Variants in MPO observed in about 807,000 individuals in gnomAD.
MPO encodes the protein myeloperoxidase.
A neutral mutation model predicts 69.4 loss-of-function variants in MPO; 57 were observed. The ratio of observed to expected loss-of-function variants is 0.82; its 90% CI spans 0.66 to 1.02. The LOEUF (loss-of-function observed/expected upper bound fraction) is 1.02, where lower values mean the gene tolerates loss of function less well. Ranked by LOEUF, MPO falls within the 50% of genes least tolerant of loss-of-function variation. The pLI is 0.00. For missense variants in MPO, 971 were observed against 1,014.1 expected (o/e 0.96, Z 0.58); for synonymous variants, 426 against 417.1 (o/e 1.02, Z -0.26).
intron 10 of MPO, 130 bp from the exon 11 acceptor site, chr17:58,272,022 A>G (rs1452975265): frequency 7.4e-6 from 7 of 941,676 alleles, no homozygotes; most frequent in Non-Finnish European, 1.1e-5. Flanking sequence ...AACACAACCA[A>G]GGTCATAGAG....
In MPO at chr17:58,279,125, G is replaced by A. The variant is rs1970477862; in HGVS notation, c.768C>T (p.Gly256=). The A allele has an allele frequency of 1.9e-6, 3 of 1,612,948 alleles. No individual in the cohort carries two copies. Among genetic ancestry groups the A allele is most frequent in the Non-Finnish European group, 2.5e-6 (3 of 1,179,594 alleles). ...AGTCGAGGTCGTGGTCCAACAGCTG[G>A]CCCCATTGCATGAACATGAGTGAGC... ...QERSLMFMQW[G]QLLDHDLDFT... Residue 256 remains glycine (G), a synonymous_variant, in exon 6 of 12, where the codon GGC becomes GGT. Coordinates refer to ENST00000225275, the MANE Select transcript of MPO (RefSeq NM_000250.2).
At chr17:58,272,970 C>T in intron 9 of MPO, 52 bp from the exon 10 acceptor site, 1 of 1,604,864 alleles carries the variant, frequency 6.2e-7, no homozygotes, top group Non-Finnish European at 8.5e-7. Flanking sequence ...AGTATCAGAG[C>T]TCAGATTGGA....
Position 58,273,540 on chromosome 17 carries a change from G to A in MPO, c.1495C>T (p.Arg499Cys), listed in dbSNP as rs119469014. ...RIANVFTNAF[R>C]YGHTLIQPFM... ...GGTTGGATGAGGGTGTGGCCGTAGCGGAAGGCATTGGTGAAGACGTTGGCG... is the reference window on the plus strand; with the variant it reads ...GGTTGGATGAGGGTGTGGCCGTAGCAGAAGGCATTGGTGAAGACGTTGGCG... The change falls in exon 9 of 12, where the codon CGC becomes TGC. Residue 499 changes from arginine (R) to cysteine (C), a missense_variant. Coordinates refer to ENST00000225275, the MANE Select transcript of MPO (RefSeq NM_000250.2). 17 of 1,614,230 alleles carry A rather than the reference G, an allele frequency of 1.1e-5. No homozygotes were observed. Among genetic ancestry groups the A allele is most frequent in the East Asian group, 2.2e-5 (1 of 44,888 alleles).
At position 58,270,191 on chromosome 17, in the gene MPO, G is replaced by A. The variant is rs1970349007; in HGVS notation, c.*465C>T. ...TGCATGTAGTAGGTGCTCAATAAAT[G>A]AAGAACCAGAGGATACAAGTGGGCC... On this transcript the variant is annotated 3_prime_UTR_variant, in exon 12 of 12. Coordinates refer to ENST00000225275, the MANE Select transcript of MPO (RefSeq NM_000250.2). This position sits in a 1 kb window ranked among gnomAD's most constrained non-coding sequence, Gnocchi z 4.1. 3.4e-6 allele frequency: 1 copy of A among 295,668 alleles called. No individual in the cohort carries two copies. Among genetic ancestry groups the A allele is most frequent in the South Asian group, 3.4e-5 (1 of 29,840 alleles). The allele number at this position is 295,668 out of a possible 1,614,324, so 18.3% of individuals were successfully genotyped here. A position where few individuals can be genotyped will look rare whatever the true frequency, so the allele number is the denominator to read the frequency against.
rs760737330 is a variant in MPO at position 58,273,709 on chromosome 17, C to T, written c.1366-40G>A. 7.4e-6 allele frequency: 12 copies of T among 1,613,884 alleles called. No individual in the cohort carries two copies. In the East Asian group the frequency reaches 1.8e-4, roughly 24 times the overall value. On this transcript the variant is annotated intron_variant, in intron 8 of 11. Coordinates refer to ENST00000225275, the MANE Select transcript of MPO (RefSeq NM_000250.2). Reference sequence around the variant, plus strand: ...TTTGGAATGGCCTCTCCACCCACTCCTCCACAGCAAATGCCGCCTGGCAGC... The same window carrying T: ...TTTGGAATGGCCTCTCCACCCACTCTTCCACAGCAAATGCCGCCTGGCAGC...
chr17:58,273,344 T>C, intron 9 of MPO, 70 bp downstream of exon 9: 1 of 1,610,408 alleles, frequency 6.2e-7, no homozygotes, highest in Non-Finnish European at 8.5e-7. Context: ...CCTAGCTCCC[T>C]AGAGCCAAGG....
rs1401748799 is a variant in MPO at position 58,273,651 on chromosome 17, A to G, written c.1384T>C (p.Tyr462His). The change falls in exon 9 of 12, where the codon TAC becomes CAC. Residue 462 changes from tyrosine to histidine, a missense_variant. Coordinates refer to ENST00000225275, the MANE Select transcript of MPO (RefSeq NM_000250.2). ...AMVQIITYRD[Y>H]LPLVLGPTAM... ...GTTGGCCCCAGCACCAGGGGCAGGTAGTCCCGGTAAGTGATGATCTAAAGA... is the reference window on the plus strand; with the variant it reads ...GTTGGCCCCAGCACCAGGGGCAGGTGGTCCCGGTAAGTGATGATCTAAAGA... 1 of 1,614,088 alleles carries G rather than the reference A, an allele frequency of 6.2e-7. No individual in the cohort carries two copies. The highest frequency in any genetic ancestry group is 8.5e-7 in the Non-Finnish European group (1 of 1,180,026).
At position 58,270,648 on chromosome 17, in the gene MPO, C is replaced by T. The variant is rs1314313734; in HGVS notation, c.*8G>A. On this transcript the variant is annotated 3_prime_UTR_variant, in exon 12 of 12. Coordinates refer to ENST00000225275, the MANE Select transcript of MPO (RefSeq NM_000250.2). This position sits in a 1 kb window ranked among gnomAD's most constrained non-coding sequence, Gnocchi z 4.1. ...TACCCCTCACTGCTGCACCCCCTTA[C>T]CTGGCCTCTAGGAGGCTTCCCTCCA... 3 of 1,603,696 alleles carry T rather than the reference C, an allele frequency of 1.9e-6. No individual in the cohort carries two copies. Among genetic ancestry groups the T allele is most frequent in the Non-Finnish European group, 2.6e-6 (3 of 1,174,632 alleles).
At chr17:58,273,281 C>T in intron 9 of MPO, 133 bp downstream of exon 9, 4 of 1,409,348 alleles carry the variant, frequency 2.8e-6, no homozygotes, top group South Asian at 1.2e-5. Flanking sequence ...GGAACTGAGG[C>T]TAGAGAGTCA....
At position 58,279,866 on chromosome 17, in the gene MPO, G is replaced by A. The variant is rs758541185; in HGVS notation, c.397C>T (p.Leu133=). 2 of 1,613,990 alleles carry A rather than the reference G, an allele frequency of 1.2e-6. No homozygotes were observed. Among genetic ancestry groups the A allele is most frequent in the African/African-American group, 1.3e-5 (1 of 74,936 alleles). Residue 133 remains leucine, a synonymous_variant, in exon 3 of 12, where the codon CTG becomes TTG. Transcript: ENST00000225275. ...GTGACATTGAATGGCCTTCGCCACA[G>A]GGACCGCAGCTTCCTCTCCAGCAGG... ...LDLLERKLRS[L]WRRPFNVTDV... is the part of the protein sequence containing the mutation.
At chr17:58,276,404 G>T (rs775900048) in intron 7 of MPO, among the ~76,000 whole-genome samples, 7 of 152,190 alleles carry the variant, frequency 4.6e-5, no homozygotes, top group Non-Finnish European at 1.0e-4. Flanking sequence ...GACTGTTCAA[G>T]AAAACTAAGC....
chr17:58,277,829 G>A lies in MPO; in HGVS notation c.1202C>T (p.Ala401Val). ...CTGGTCCCCACCCCAAAGCTGACCT[G>A]CCAGGAAGCAGGGGATGCGCGCTGA... is the stretch of plus-strand genomic sequence containing the variant. The part of the protein sequence containing the change: ...NRSARIPCFL[A>V]GDTRSSEMPE... The change falls in exon 7 of 12, where the codon GCA (alanine) becomes GTA (valine). Residue 401 changes from alanine (A) to valine (V), a missense_variant and splice_region_variant. Coordinates refer to ENST00000225275, the MANE Select transcript of MPO (RefSeq NM_000250.2). The A allele has an allele frequency of 6.2e-7, 1 of 1,602,438 alleles. No individual in the cohort carries two copies. The highest frequency in any genetic ancestry group is 8.5e-7 in the Non-Finnish European group (1 of 1,179,976).
Position 58,272,811 on chromosome 17 carries a change from T to A in MPO, c.1729A>T (p.Met577Leu), listed in dbSNP as rs746527352. 6.2e-7 allele frequency: 1 copy of A among 1,614,116 alleles called. No homozygotes were observed. Among genetic ancestry groups the A allele is most frequent in the African/African-American group, 1.3e-5 (1 of 74,942 alleles). The change falls in exon 10 of 12, where the codon ATG (methionine) becomes TTG (leucine). Residue 577 changes from methionine to leucine, a missense_variant. Transcript: ENST00000225275. ...GCAGGCAGGTCCAGCCCAATCCTCA[T>A]GACCTGCTCAAACAATCGCTCCCGG... is the stretch of plus-strand genomic sequence containing the variant. ...EIRERLFEQV[M>L]RIGLDLPALN... is the part of the protein sequence containing the mutation.
chr17:58,280,532 T>C lies in MPO; in HGVS notation c.154+73A>G, dbSNP rs146266893. The C allele has an allele frequency of 1.4e-3, 2,258 of 1,613,068 alleles. 25 individuals are homozygous for C. The African/African-American group carries it at 0.027, about 20-fold the overall frequency. Reference sequence around the variant, plus strand: ...ATCAGGCCCCAGAGCTAGGAAGGCCTGCTCTGAGAAAAGGGGTCTCTGGAA... The same window carrying C: ...ATCAGGCCCCAGAGCTAGGAAGGCCCGCTCTGAGAAAAGGGGTCTCTGGAA... On this transcript the variant is annotated intron_variant, in intron 1 of 11. Coordinates refer to ENST00000225275, the MANE Select transcript of MPO (RefSeq NM_000250.2).
intron 4 of MPO, 34 bp downstream of exon 4, chr17:58,279,489 C>G: frequency 6.2e-7 from 1 of 1,612,978 alleles, no homozygotes; most frequent in Non-Finnish European, 8.5e-7. Context: ...CCTCTCTGAG[C>G]CCGGTTCCTG....
rs1442466365 is a variant in MPO, at chr17:58,278,080, C to T, written c.951G>A (p.Pro317=). Residue 317 remains proline (P), a synonymous_variant, in exon 7 of 12, where the codon CCG becomes CCA. Transcript: ENST00000225275. ...ADCIPFFRSC[P]ACPGSNITIR... ...TGGTGATGTTGCTCCCGGGGCAAGC[C>T]GGGCAGGAGCGGAAGAACGGGATGC... The T allele has an allele frequency of 1.2e-6, 2 of 1,610,382 alleles. No individual in the cohort carries two copies. Among genetic ancestry groups the T allele is most frequent in the East Asian group, 2.2e-5 (1 of 44,888 alleles).
In MPO at chr17:58,272,810, A is replaced by G; in HGVS notation, c.1730T>C (p.Met577Thr). Reference sequence around the variant, plus strand: ...AGCAGGCAGGTCCAGCCCAATCCTCATGACCTGCTCAAACAATCGCTCCCG... The same window carrying G: ...AGCAGGCAGGTCCAGCCCAATCCTCGTGACCTGCTCAAACAATCGCTCCCG... ...EIRERLFEQV[M>T]RIGLDLPALN... Residue 577 changes from methionine to threonine, a missense_variant, in exon 10 of 12, where the codon ATG becomes ACG. Transcript: ENST00000225275. 1.2e-6 allele frequency: 2 copies of G among 1,614,184 alleles called. No homozygotes were observed. Among genetic ancestry groups the G allele is most frequent in the South Asian group, 1.1e-5 (1 of 91,090 alleles).
chr17:58,280,434 C>A lies in MPO; in HGVS notation c.180G>T (p.Ser60=). ...CCTCCTCCATGGAGCTCAGCACCAACGAGGTGTCCACCTCCCCCAGGACAG... is the reference window on the plus strand; with the variant it reads ...CCTCCTCCATGGAGCTCAGCACCAAAGAGGTGTCCACCTCCCCCAGGACAG... ...APAVLGEVDT[S]LVLSSMEEAK... Residue 60 remains serine (S), a synonymous_variant, in exon 2 of 12, where the codon TCG becomes TCT. Transcript: ENST00000225275. 1 of 1,614,096 alleles carries A rather than the reference C, an allele frequency of 6.2e-7. No individual in the cohort carries two copies. The highest frequency in any genetic ancestry group is 8.5e-7 in the Non-Finnish European group (1 of 1,179,996).
At chr17:58,273,311 G>T (rs1970389791) in intron 9 of MPO, 103 bp downstream of exon 9, 1 of 1,560,734 alleles carries the variant, frequency 6.4e-7, no homozygotes. Flanking sequence ...TCCAAGATGG[G>T]AGGAAAGCAG....
Sources: allele counts gnomAD v4.1 joint callset (sites outside exome capture counted in the v4.1 genomes callset), GRCh38; gene constraint gnomAD v4.1.1; non-coding constraint Gnocchi (gnomAD v3.1); transcripts MANE v1.5; gene names NCBI Gene and HGNC (gene_info 2026-07-23, HGNC 2026-07-21).